TNPO3: variants seen among roughly 807,000 people sequenced by gnomAD.
TNPO3 encodes the protein transportin-3.
A neutral mutation model predicts 122.8 loss-of-function variants in TNPO3; 65 were observed. The observed-to-expected ratio is 0.53, with a 90% CI of 0.43 to 0.65. TNPO3 has a LOEUF of 0.65. TNPO3 is among the 30% of genes least tolerant of loss of function. TNPO3 has a pLI of 0.00. For missense variants in TNPO3, 850 were observed against 1,136.7 expected, an observed-to-expected ratio of 0.75 and a Z score of 3.63; for synonymous variants, 372 against 411.2, an observed-to-expected ratio of 0.90 and a Z score of 1.15.
intron 11 of TNPO3, among the ~76,000 whole-genome samples, chr7:128,987,273 G>C (rs953262372): frequency 6.6e-6 from 1 of 152,148 alleles, no homozygotes; most frequent in African/African-American, 2.4e-5. Context: ...CAAAGCTCAG[G>C]GAGTTACAAT....
intron 19 of TNPO3, among the ~76,000 whole-genome samples, chr7:128,971,818 T>A (rs1798519361): frequency 6.6e-6 from 1 of 152,162 alleles, no homozygotes; most frequent in South Asian, 2.1e-4. Flanking sequence ...TCCCTCCCCT[T>A]CCATAAAGTT....
intron 14 of TNPO3, 90 bp downstream of exon 14, chr7:128,982,158 T>A (rs1054255969): frequency 1.3e-5 from 14 of 1,108,678 alleles, no homozygotes; most frequent in Non-Finnish European, 1.8e-5. Flanking sequence ...TACTTGGAAG[T>A]ATGAGGAAAA....
At chr7:129,010,449 T>A (rs1332386494) in intron 4 of TNPO3, among the ~76,000 whole-genome samples, 1 of 152,160 alleles carries the variant, frequency 6.6e-6, no homozygotes, top group Admixed American at 6.5e-5. Context: ...ATTATAAGCA[T>A]AAACCACATT....
chr7:129,053,095 C>G (rs1371293528), intron 1 of TNPO3, among the ~76,000 whole-genome samples: 1 of 152,026 alleles, frequency 6.6e-6, no homozygotes, highest in East Asian at 1.9e-4. Flanking sequence ...GAGGCCGAGG[C>G]GGGCGGATCA....
At chr7:128,973,875 G>C (rs750147397) in intron 18 of TNPO3, among the ~76,000 whole-genome samples, 11 of 150,004 alleles carry the variant, frequency 7.3e-5, no homozygotes, top group African/African-American at 2.0e-4. Context: ...AAAAAAAAAG[G>C]GTTCAATATT....
At position 128,979,088 on chromosome 7, in the gene TNPO3, G is replaced by A. The variant is rs1177816027; in HGVS notation, c.1956C>T (p.His652=). 6.2e-7 allele frequency: 1 copy of A among 1,614,188 alleles called. No homozygotes were observed. The highest frequency in any genetic ancestry group is 2.2e-5 in the East Asian group (1 of 44,886). ...GCTCTACAATCCGATTATCAGCTCG[G>A]TGCTTATTTAGAGTCTCGGATAAAA... is the stretch of plus-strand genomic sequence containing the variant. ...WPVLSETLNK[H]RADNRIVERC... is the part of the protein sequence containing the mutation. Residue 652 remains histidine, a synonymous_variant, in exon 16 of 23, where the codon CAC becomes CAT. Transcript: ENST00000265388.
intron 1 of TNPO3, among the ~76,000 whole-genome samples, chr7:129,047,782 C>T (rs747523023): frequency 1.7e-4 from 26 of 152,174 alleles, no homozygotes; most frequent in African/African-American, 5.8e-4. Context: ...AATTCTATGC[C>T]TTACCAATTT....
intron 21 of TNPO3, among the ~76,000 whole-genome samples, chr7:128,960,953 G>T (rs924226101): frequency 6.6e-6 from 1 of 151,944 alleles, no homozygotes; most frequent in Non-Finnish European, 1.5e-5. Flanking sequence ...TAGAGATGGG[G>T]TTTCACCATG....
rs185271518 is a variant in TNPO3, at chr7:128,967,519, G to A, written c.2599-127C>T. 4 of 615,364 alleles carry A rather than the reference G, an allele frequency of 6.5e-6. No individual in the cohort carries two copies. The East Asian group carries it at 8.6e-5, about 13-fold the overall frequency. 38.1% of individuals were successfully genotyped at this position (615,364 alleles called of 1,614,324 possible). Reference sequence around the variant, plus strand: ...TTTACTTCCCTACACTTGGGAGCAAGTAAAGGAATCAACAAAAGTGCTCTC... The same window carrying A: ...TTTACTTCCCTACACTTGGGAGCAAATAAAGGAATCAACAAAAGTGCTCTC... On this transcript the variant is annotated intron_variant, in intron 20 of 22. Transcript: ENST00000265388.
intron 1 of TNPO3, among the ~76,000 whole-genome samples, chr7:129,025,336 G>C (rs1237136972): frequency 3.4e-5 from 3 of 87,196 alleles, no homozygotes; most frequent in African/African-American, 1.4e-4. Context: ...GGCAACAAGA[G>C]TGAAACTCTG....
At position 128,984,828 on chromosome 7, in the gene TNPO3, A is replaced by T. The variant is rs553452411; in HGVS notation, c.1691-569T>A. Among the ~76,000 whole-genome samples the T allele has an allele frequency of 1.8e-4, 28 of 152,192 alleles. No individual in the cohort carries two copies. The South Asian group carries it at 5.8e-3, about 32-fold the overall frequency. On this transcript the variant is annotated intron_variant, in intron 12 of 22. Coordinates refer to ENST00000265388, the MANE Select transcript of TNPO3 (RefSeq NM_012470.4). The stretch of plus-strand genomic sequence containing the variant: ...GTTAAATTTGCCTTTCTTTCATTTT[A>T]AAAAAAAGTTACAAAAGCCTCCTAC...
At chr7:128,987,484 T>G (rs1052094483) in intron 11 of TNPO3, among the ~76,000 whole-genome samples, 1 of 152,224 alleles carries the variant, frequency 6.6e-6, no homozygotes, top group Non-Finnish European at 1.5e-5. Flanking sequence ...AGAAAGTTTA[T>G]CATAAAGTTG....
intron 1 of TNPO3, among the ~76,000 whole-genome samples, chr7:129,025,658 T>C (rs1805062445): frequency 6.6e-6 from 1 of 151,468 alleles, no homozygotes; most frequent in East Asian, 1.9e-4. Flanking sequence ...AGCAATCCTC[T>C]TGCCTGGGTC....
rs778913901 is a variant in TNPO3 at position 129,000,397 on chromosome 7, GAAT to G, written c.1011+29_1011+31del. 1.9e-6 allele frequency: 3 copies of G among 1,555,244 alleles called. No individual in the cohort carries two copies. In the South Asian group the frequency reaches 3.6e-5, roughly 19 times the overall value. On this transcript the variant is annotated intron_variant, in intron 7 of 22. Transcript: ENST00000265388. ...GATAATATGCAGCACACAACTTGGA[GAAT>G]AATGGCCTTTGAATAGCATAAACAC...
At chr7:129,017,351 T>C (rs1300609464) in intron 2 of TNPO3, among the ~76,000 whole-genome samples, 1 of 152,212 alleles carries the variant, frequency 6.6e-6, no homozygotes, top group Non-Finnish European at 1.5e-5. Context: ...TTTACTTTTA[T>C]TTGGCAATAC....
chr7:128,975,728 G>A lies in TNPO3; in HGVS notation c.2178+91C>T, dbSNP rs567374634. ...CATGCCTGGGGGAAAACATAAAGAAGCAACAGAATTAAAGACATGGTAAAG... is the reference window on the plus strand; with the variant it reads ...CATGCCTGGGGGAAAACATAAAGAAACAACAGAATTAAAGACATGGTAAAG... On this transcript the variant is annotated intron_variant, in intron 17 of 22. Coordinates refer to ENST00000265388, the MANE Select transcript of TNPO3 (RefSeq NM_012470.4). 19 of 791,282 alleles carry A rather than the reference G, an allele frequency of 2.4e-5. No individual in the cohort carries two copies. The East Asian group carries it at 3.0e-4, about 13-fold the overall frequency. 49.0% of individuals were successfully genotyped at this position (791,282 alleles called of 1,614,324 possible). A position where few individuals can be genotyped will look rare whatever the true frequency, so the allele number is the denominator to read the frequency against.
chr7:128,959,534 G>T (rs1279093800), intron 21 of TNPO3, among the ~76,000 whole-genome samples: 2 of 152,122 alleles, frequency 1.3e-5, no homozygotes, highest in Non-Finnish European at 2.9e-5. Context: ...CTCCTTTGTG[G>T]CACATGAGAA....
At chr7:129,000,389 A>C in intron 7 of TNPO3, 40 bp downstream of exon 7, 1 of 1,544,936 alleles carries the variant, frequency 6.5e-7, no homozygotes, top group Non-Finnish European at 8.8e-7. Flanking sequence ...TGCAGCACAC[A>C]ACTTGGAGAA....
chr7:128,957,750 C>T (rs17166351), intron 21 of TNPO3, among the ~76,000 whole-genome samples: 74,170 of 151,976 alleles, frequency 0.49, 18,298 homozygotes, highest in African/African-American at 0.5. Context: ...CACTTGGTTG[C>T]TACGGCTCTC....
Sources: gnomAD v4.1 joint callset for allele counts (sites outside exome capture counted in the v4.1 genomes callset) on GRCh38, gnomAD v4.1.1 for gene constraint, MANE v1.5 for transcripts, NCBI Gene and HGNC (gene_info 2026-07-23, HGNC 2026-07-21) for gene names.